Variants in SLCO3A1 observed in about 807,000 individuals in gnomAD.
SLCO3A1 encodes solute carrier organic anion transporter family member 3A1.
In SLCO3A1, 27 loss-of-function variants were observed where a neutral mutation model predicts 63.1. The ratio of observed to expected loss-of-function variants is 0.43; its 90% CI spans 0.32 to 0.59. The LOEUF (loss-of-function observed/expected upper bound fraction) is 0.59. Ranked by LOEUF, SLCO3A1 falls within the 20% of genes least tolerant of loss-of-function variation. The pLI is 0.09. For missense variants in SLCO3A1, 773 were observed against 945.8 expected, an observed-to-expected ratio of 0.82 and a Z score of 2.40; for synonymous variants, 473 against 409.9, an observed-to-expected ratio of 1.15 and a Z score of -1.86.
At chr15:91,932,904 A>G (rs1046066822) in intron 2 of SLCO3A1, among the ~76,000 whole-genome samples, 1 of 152,204 alleles carries the variant, frequency 6.6e-6, no homozygotes, top group African/African-American at 2.4e-5. Context: ...CATGGGACAC[A>G]TGTAGCTTTT....
chr15:91,894,350 A>T lies in SLCO3A1; in HGVS notation c.181-21643A>T, dbSNP rs1897950611. 6.6e-6 allele frequency among the ~76,000 whole-genome samples: 1 copy of T among 152,096 alleles called. No individual in the cohort carries two copies. The highest frequency in any genetic ancestry group is 2.1e-4 in the South Asian group (1 of 4,820). On this transcript the variant is annotated intron_variant, in intron 1 of 9. Transcript: ENST00000318445. The surrounding 1 kb of genome is among the most constrained non-coding windows in gnomAD (Gnocchi z 4.8). ...ATACTGAGTAACTTGCCATGATGTG[A>T]CTTTGGTACTCAAAATATCTAATTG... is the stretch of plus-strand genomic sequence containing the variant.
At position 91,948,416 on chromosome 15, in the gene SLCO3A1, A is replaced by G. The variant is rs1319216922; in HGVS notation, c.646+31958A>G. On this transcript the variant is annotated intron_variant, in intron 2 of 9. Transcript: ENST00000318445. This position sits in a 1 kb window ranked among gnomAD's most constrained non-coding sequence, Gnocchi z 4.8. ...GCCACAGCATCCTATTCCTGCAGATAAGCCTACAGGCTCTGTAGGAGTGCC... is the reference window on the plus strand; with the variant it reads ...GCCACAGCATCCTATTCCTGCAGATGAGCCTACAGGCTCTGTAGGAGTGCC... 6.6e-6 allele frequency among the ~76,000 whole-genome samples: 1 copy of G among 152,178 alleles called. No individual in the cohort carries two copies. The highest frequency in any genetic ancestry group is 1.5e-5 in the Non-Finnish European group (1 of 68,040).
At chr15:92,092,414 T>A (rs930589798) in intron 2 of SLCO3A1, among the ~76,000 whole-genome samples, 1 of 151,842 alleles carries the variant, frequency 6.6e-6, no homozygotes, top group African/African-American at 2.4e-5. Flanking sequence ...TCAAGAAGGG[T>A]AGGCACAGCA....
rs2046104386 is a variant in SLCO3A1 at position 91,989,878 on chromosome 15, A to G, written c.646+73420A>G. On this transcript the variant is annotated intron_variant, in intron 2 of 9. Transcript: ENST00000318445. ...AGTCTGAATCCTCAGTTCTAACATA[A>G]TCACTTGGGGAAATATTTGCCAAGA... is the stretch of plus-strand genomic sequence containing the variant. Among the ~76,000 whole-genome samples, 4 of 152,206 alleles carry G rather than the reference A, an allele frequency of 2.6e-5. No individual in the cohort carries two copies. The South Asian group carries it at 8.3e-4, about 31-fold the overall frequency.
chr15:92,161,061 G>A (rs1223250758), intron 9 of SLCO3A1, among the ~76,000 whole-genome samples: 1 of 152,174 alleles, frequency 6.6e-6, no homozygotes, highest in Non-Finnish European at 1.5e-5. Context: ...TCTAGGACTA[G>A]CTCTGCAAGG....
chr15:91,926,609 G>GCGCGCGCGCC, intron 2 of SLCO3A1, among the ~76,000 whole-genome samples: 1 of 150,134 alleles, frequency 6.7e-6, no homozygotes, highest in African/African-American at 2.4e-5. Context: ...GCGCGCGCAC[G>GCGCGCGCGCC]CCCATGCTTA....
intron 2 of SLCO3A1, among the ~76,000 whole-genome samples, chr15:92,089,379 C>T (rs2047444811): frequency 6.6e-6 from 1 of 152,198 alleles, no homozygotes. Context: ...GTGTGGAGGA[C>T]TCGGTGCAGG....
At chr15:91,904,349 T>A (rs1898239755) in intron 1 of SLCO3A1, among the ~76,000 whole-genome samples, 1 of 152,222 alleles carries the variant, frequency 6.6e-6, no homozygotes. Flanking sequence ...TAGTGATATG[T>A]CTACTCTTCT....
intron 2 of SLCO3A1, among the ~76,000 whole-genome samples, chr15:92,034,998 G>C (rs2046706090): frequency 6.6e-6 from 1 of 151,920 alleles, no homozygotes; most frequent in Non-Finnish European, 1.5e-5. Context: ...ACTGAGGTTT[G>C]GAAAGATTCA....
chr15:92,134,314 A>G (rs192828268), intron 7 of SLCO3A1, among the ~76,000 whole-genome samples: 2 of 152,206 alleles, frequency 1.3e-5, no homozygotes, highest in African/African-American at 2.4e-5. Context: ...ACTTGTGACT[A>G]TTCTGAAATC....
chr15:92,165,066 A>G lies in SLCO3A1; in HGVS notation c.*1931A>G, dbSNP rs140019303. On this transcript the variant is annotated 3_prime_UTR_variant, in exon 10 of 10. Transcript: ENST00000318445. The stretch of plus-strand genomic sequence containing the variant: ...AAAAATGGTTGGGAGTGGGACAGGT[A>G]TGGTACCGAATTTTTAATGAACATT... 2 of 985,228 alleles carry G rather than the reference A, an allele frequency of 2.0e-6. No homozygotes were observed. Among genetic ancestry groups the G allele is most frequent in the East Asian group, 1.1e-4 (1 of 8,804 alleles). The allele number at this position is 985,228 out of a possible 1,614,324, so 61.0% of individuals were successfully genotyped here.
rs116483062 is a variant in SLCO3A1 at position 91,964,843 on chromosome 15, A to G, written c.646+48385A>G. Reference sequence around the variant, plus strand: ...AAGTGGCAGCTCACAGAATTGAGTGACTTGCTCAGGGTCACAGAGCGTCAG... The same window carrying G: ...AAGTGGCAGCTCACAGAATTGAGTGGCTTGCTCAGGGTCACAGAGCGTCAG... On this transcript the variant is annotated intron_variant, in intron 2 of 9. Coordinates refer to ENST00000318445, the MANE Select transcript of SLCO3A1 (RefSeq NM_013272.4). Among the ~76,000 whole-genome samples, 267 of 152,156 alleles carry G rather than the reference A, an allele frequency of 1.8e-3. 1 individual carries two copies. Among genetic ancestry groups the G allele is most frequent in the African/African-American group, 6.1e-3 (252 of 41,498 alleles).
At position 91,872,167 on chromosome 15, in the gene SLCO3A1, C is replaced by T. The variant is rs1227928015; in HGVS notation, c.180+18079C>T. ...CACAAGCAGTCTGATCGAACTCTCA[C>T]ACAAATCCCATGCAGTAGATGTCAT... On this transcript the variant is annotated intron_variant, in intron 1 of 9. Transcript: ENST00000318445. This position sits in a 1 kb window ranked among gnomAD's most constrained non-coding sequence, Gnocchi z 4.1. Among the ~76,000 whole-genome samples the T allele has an allele frequency of 6.6e-6, 1 of 152,136 alleles. No homozygotes were observed. The highest frequency in any genetic ancestry group is 2.4e-5 in the African/African-American group (1 of 41,432).
chr15:91,889,080 T>C lies in SLCO3A1; in HGVS notation c.181-26913T>C, dbSNP rs760998495. ...ATTACTAGCTAACATATAGCTAACA[T>C]TTGTGTACTTGTTATTACAGAATAA... On this transcript the variant is annotated intron_variant, in intron 1 of 9. Coordinates refer to ENST00000318445, the MANE Select transcript of SLCO3A1 (RefSeq NM_013272.4). 5.1e-6 allele frequency: 5 copies of C among 984,908 alleles called. No homozygotes were observed. The South Asian group carries it at 9.2e-5, about 18-fold the overall frequency. The allele number at this position is 984,908 out of a possible 1,614,324, so 61.0% of individuals were successfully genotyped here.
At chr15:91,952,408 G>A (rs1900030256) in intron 2 of SLCO3A1, among the ~76,000 whole-genome samples, 1 of 152,238 alleles carries the variant, frequency 6.6e-6, no homozygotes, top group Non-Finnish European at 1.5e-5. Context: ...AAGAACAGTT[G>A]TATCTTTGCA....
chr15:92,145,018 G>GT (rs1461365050), intron 7 of SLCO3A1, among the ~76,000 whole-genome samples: 2 of 152,190 alleles, frequency 1.3e-5, no homozygotes, highest in Non-Finnish European at 2.9e-5. Context: ...TGGAAAGCGA[G>GT]TGACCAGAGG....
At chr15:91,915,895 C>G in intron 1 of SLCO3A1, 98 bp from the exon 2 acceptor site, 1 of 1,048,080 alleles carries the variant, frequency 9.5e-7, no homozygotes, top group South Asian at 1.4e-5. Flanking sequence ...GTGGGAGGGT[C>G]CCGGGGGGGA....
At chr15:92,037,589 T>C (rs147923062) in intron 2 of SLCO3A1, among the ~76,000 whole-genome samples, 1 of 152,332 alleles carries the variant, frequency 6.6e-6, no homozygotes, top group African/African-American at 2.4e-5. Context: ...CTGACAGATT[T>C]CTAAAATGGT....
chr15:91,951,558 C>CT (rs527858153), intron 2 of SLCO3A1, among the ~76,000 whole-genome samples: 4,032 of 138,006 alleles, frequency 0.029, 114 homozygotes, highest in African/African-American at 0.067. Flanking sequence ...TTTTTCTTTT[C>CT]TTTTTTTTTT....
Sources: allele counts gnomAD v4.1 joint callset (sites outside exome capture counted in the v4.1 genomes callset), GRCh38; gene constraint gnomAD v4.1.1; non-coding constraint Gnocchi (gnomAD v3.1); transcripts MANE v1.5; gene names NCBI Gene and HGNC (gene_info 2026-07-23, HGNC 2026-07-21).